MITF: variants seen among roughly 807,000 people sequenced by gnomAD.
The protein encoded by MITF is melanocyte inducing transcription factor.
Under a neutral mutation model 60.5 loss-of-function variants are expected in MITF, and 17 were observed. The observed-to-expected ratio is 0.28, with a 90% CI of 0.19 to 0.42. The LOEUF (loss-of-function observed/expected upper bound fraction) is 0.42. MITF is among the 10% of genes least tolerant of loss of function. MITF has a pLI of 1.00. For missense variants in MITF, 622 were observed against 683.5 expected (o/e 0.91, Z 1.00); for synonymous variants, 260 against 248.5 (o/e 1.05, Z -0.43).
chr3:69,946,917 C>T (rs969927937), intron 5 of MITF, among the ~76,000 whole-genome samples: 3 of 152,082 alleles, frequency 2.0e-5, no homozygotes, highest in Non-Finnish European at 4.4e-5. Flanking sequence ...TGCTCTTTGT[C>T]TCCCCCACCC....
intron 2 of MITF, among the ~76,000 whole-genome samples, chr3:69,911,722 A>G (rs940926286): frequency 6.6e-6 from 1 of 152,270 alleles, no homozygotes; most frequent in African/African-American, 2.4e-5. Flanking sequence ...ATACACAGAT[A>G]CAAATAGTAT....
chr3:69,759,896 G>A (rs534867812), intron 1 of MITF, among the ~76,000 whole-genome samples: 12 of 152,222 alleles, frequency 7.9e-5, no homozygotes, highest in African/African-American at 2.4e-4. Context: ...TCCTGCCTCA[G>A]CCTCCCAAGT....
chr3:69,883,894 T>C (rs1267441157), intron 2 of MITF, among the ~76,000 whole-genome samples: 1 of 152,192 alleles, frequency 6.6e-6, no homozygotes, highest in Non-Finnish European at 1.5e-5. Context: ...CCTGTCAGCC[T>C]TGATTTCAGG....
At chr3:69,787,981 G>A (rs1575712557) in intron 1 of MITF, among the ~76,000 whole-genome samples, 1 of 152,246 alleles carries the variant, frequency 6.6e-6, no homozygotes, top group East Asian at 1.9e-4. Flanking sequence ...CCCTGTGAAG[G>A]AGATGCTGTC....
intron 2 of MITF, among the ~76,000 whole-genome samples, chr3:69,917,515 A>G (rs74851009): frequency 0.016 from 2,366 of 151,976 alleles, 27 homozygotes; most frequent in Middle Eastern, 0.051. Flanking sequence ...GGCTTGGGGA[A>G]AAGCATAGGG....
Position 69,784,912 on chromosome 3 carries a change from A to G in MITF, c.104+45211A>G, listed in dbSNP as rs147913806. 4.9e-3 allele frequency among the ~76,000 whole-genome samples: 748 copies of G among 152,296 alleles called. 1 individual carries two copies. Among genetic ancestry groups the G allele is most frequent in the Middle Eastern group, 6.8e-3 (2 of 294 alleles). On this transcript the variant is annotated intron_variant, in intron 1 of 9. Coordinates refer to ENST00000352241, the MANE Select transcript of MITF (RefSeq NM_001354604.2). ...GGTTTGTGTTTCATTGAAGATCCCC[A>G]GGGAAATCTCAAGGGTCCTGTGTCC...
chr3:69,810,004 G>A (rs1230277553), intron 1 of MITF, among the ~76,000 whole-genome samples: 1 of 152,144 alleles, frequency 6.6e-6, no homozygotes, highest in African/African-American at 2.4e-5. Context: ...TTGAGTTGAG[G>A]TGAGGAAGGA....
chr3:69,745,901 A>G (rs13314892), intron 1 of MITF, among the ~76,000 whole-genome samples: 35,618 of 152,178 alleles, frequency 0.23, 4,555 homozygotes, highest in East Asian at 0.56. Flanking sequence ...AATGTGTTTA[A>G]CATAGCACCT....
At chr3:69,773,479 A>T (rs970393) in intron 1 of MITF, among the ~76,000 whole-genome samples, 1 of 152,178 alleles carries the variant, frequency 6.6e-6, no homozygotes, top group Non-Finnish European at 1.5e-5. Context: ...CGGTTTTGTC[A>T]CTAGGTAGGG....
intron 2 of MITF, among the ~76,000 whole-genome samples, chr3:69,900,087 G>A (rs1372938576): frequency 1.3e-5 from 2 of 152,076 alleles, no homozygotes; most frequent in African/African-American, 4.8e-5. Flanking sequence ...ATATTAGGAG[G>A]ACTTGATTTC....
chr3:69,785,127 G>A lies in MITF; in HGVS notation c.104+45426G>A, dbSNP rs138628306. On this transcript the variant is annotated intron_variant, in intron 1 of 9. Transcript: ENST00000352241. The stretch of plus-strand genomic sequence containing the variant: ...TATTAGTGGAGAACTTTTGGCTGCA[G>A]AGCTGGGCTGATCTGTGTGGCACTG... Among the ~76,000 whole-genome samples, 8 of 151,828 alleles carry A rather than the reference G, an allele frequency of 5.3e-5. No homozygotes were observed. The East Asian group carries it at 1.6e-3, about 30-fold the overall frequency.
intron 2 of MITF, among the ~76,000 whole-genome samples, chr3:69,914,623 C>T (rs770666463): frequency 8.5e-5 from 13 of 152,124 alleles, no homozygotes; most frequent in Non-Finnish European, 1.6e-4. Context: ...ACCTGTCCCC[C>T]CCTGGAGCAC....
intron 1 of MITF, chr3:69,763,735 G>A (rs1444430637): frequency 1.9e-5 from 26 of 1,346,118 alleles, no homozygotes; most frequent in Middle Eastern, 2.0e-4. Flanking sequence ...TTGGTCAGTC[G>A]AGTTTGGTGT....
intron 5 of MITF, among the ~76,000 whole-genome samples, chr3:69,944,792 A>G (rs2066054271): frequency 6.6e-6 from 1 of 152,262 alleles, no homozygotes; most frequent in South Asian, 2.1e-4. Flanking sequence ...TTGGGCCCTG[A>G]TAAGCTCTCA....
chr3:69,936,572 G>A, intron 2 of MITF: 3 of 1,500,324 alleles, frequency 2.0e-6, no homozygotes, highest in South Asian at 1.4e-5. Context: ...TATAAGCAGG[G>A]CTTCTGTGAT....
At chr3:69,946,719 A>G (rs760694326) in intron 5 of MITF, among the ~76,000 whole-genome samples, 1 of 152,202 alleles carries the variant, frequency 6.6e-6, no homozygotes, top group African/African-American at 2.4e-5. Context: ...ATAGAGGGCT[A>G]TAAGCTTTTT....
chr3:69,918,553 G>T (rs374085228), intron 2 of MITF, among the ~76,000 whole-genome samples: 1 of 152,192 alleles, frequency 6.6e-6, no homozygotes, highest in South Asian at 2.1e-4. Context: ...ATGAAGCCAC[G>T]ATGCATCCTG....
chr3:69,760,882 A>G (rs1230512822), intron 1 of MITF, among the ~76,000 whole-genome samples: 2 of 152,228 alleles, frequency 1.3e-5, no homozygotes, highest in African/African-American at 4.8e-5. Flanking sequence ...AGTTATCAGA[A>G]TGGTCATTAT....
chr3:69,752,442 G>C (rs1341731603), intron 1 of MITF: 2 of 152,180 alleles, frequency 1.3e-5, no homozygotes, highest in African/African-American at 2.4e-5. Flanking sequence ...TGGAAATGAG[G>C]AACTCACTGG....
Sources: gnomAD v4.1 joint callset for allele counts (sites outside exome capture counted in the v4.1 genomes callset) on GRCh38, gnomAD v4.1.1 for gene constraint, MANE v1.5 for transcripts, NCBI Gene and HGNC (gene_info 2026-07-23, HGNC 2026-07-21) for gene names.